Variants in AK9 observed in about 807,000 individuals in gnomAD.
AK9 encodes adenylate kinase 9.
In AK9, 191 loss-of-function variants were observed where a neutral mutation model predicts 239.6. That is an observed-to-expected ratio of 0.80 (90% confidence interval 0.71 to 0.90). The LOEUF is 0.90. AK9 is among the 40% of genes least tolerant of loss of function. AK9 has a pLI of 0.00. For synonymous variants in AK9, 689 were observed against 721.0 expected (o/e 0.96, Z 0.71); for missense variants, 1,995 against 2,214.7 (o/e 0.90, Z 1.99).
intron 17 of AK9, among the ~76,000 whole-genome samples, chr6:109,600,337 A>G (rs147016652): frequency 1.1e-4 from 16 of 152,294 alleles, no homozygotes; most frequent in African/African-American, 3.6e-4. Context: ...TGAGATAATC[A>G]TGTGGTTTTT....
intron 12 of AK9, among the ~76,000 whole-genome samples, chr6:109,624,544 T>G (rs9487172): frequency 0.58 from 88,602 of 152,040 alleles, 27,501 homozygotes; most frequent in East Asian, 0.84. Flanking sequence ...AGAGTTGTGG[T>G]TTGAGAAGTT....
chr6:109,518,935 A>C (rs1441902153), intron 29 of AK9, among the ~76,000 whole-genome samples: 1 of 152,038 alleles, frequency 6.6e-6, no homozygotes, highest in Non-Finnish European at 1.5e-5. Flanking sequence ...CATAGTACTC[A>C]ATAGTTATTT....
At chr6:109,592,571 C>A (rs1448117540) in intron 17 of AK9, among the ~76,000 whole-genome samples, 1 of 151,824 alleles carries the variant, frequency 6.6e-6, no homozygotes, top group African/African-American at 2.4e-5. Context: ...CTCAGCCTCC[C>A]GAGTAGCTGG....
At chr6:109,638,689 A>C (rs1290014077) in intron 10 of AK9, among the ~76,000 whole-genome samples, 1 of 152,120 alleles carries the variant, frequency 6.6e-6, no homozygotes, top group Non-Finnish European at 1.5e-5. Context: ...TCTAGGGTAC[A>C]TGTGCACAAT....
intron 24 of AK9, among the ~76,000 whole-genome samples, chr6:109,554,106 T>C (rs1784675945): frequency 6.6e-6 from 1 of 152,216 alleles, no homozygotes; most frequent in South Asian, 2.1e-4. Context: ...TGTTTGACAG[T>C]ATCTTATTGA....
intron 29 of AK9, among the ~76,000 whole-genome samples, chr6:109,524,919 T>A (rs376936944): frequency 1.3e-5 from 2 of 152,212 alleles, no homozygotes; most frequent in East Asian, 3.8e-4. Flanking sequence ...GTGTTTGTAA[T>A]TCTAGCATAA....
chr6:109,575,651 T>A (rs1787975687), intron 20 of AK9, among the ~76,000 whole-genome samples: 1 of 152,216 alleles, frequency 6.6e-6, no homozygotes, highest in African/African-American at 2.4e-5. Context: ...GCTGATTATT[T>A]CTTTTGCTGT....
chr6:109,678,885 G>A lies in AK9; in HGVS notation c.-11-3129C>T, dbSNP rs529971800. ...GAACTCCCTCCCCTAGCCAAGGGAA[G>A]CCGTGAGGGACTGTGCCATGAGGAA... On this transcript the variant is annotated intron_variant, in intron 1 of 40. Transcript: ENST00000424296. Among the ~76,000 whole-genome samples, 3 of 152,294 alleles carry A rather than the reference G, an allele frequency of 2.0e-5. No individual in the cohort carries two copies. The East Asian group carries it at 5.8e-4, about 29-fold the overall frequency.
intron 1 of AK9, among the ~76,000 whole-genome samples, chr6:109,687,236 G>A (rs147191128): frequency 6.6e-6 from 1 of 152,254 alleles, no homozygotes; most frequent in African/African-American, 2.4e-5. Context: ...CAAGGGCCTA[G>A]AAGGTACAAG....
At chr6:109,504,679 C>G (rs1415635050) in intron 35 of AK9, among the ~76,000 whole-genome samples, 1 of 151,936 alleles carries the variant, frequency 6.6e-6, no homozygotes, top group African/African-American at 2.4e-5. Flanking sequence ...CATGGTGGCG[C>G]ACACCTGTAG....
Position 109,644,677 on chromosome 6 carries a change from A to G in AK9, c.771T>C (p.Ala257=). 2.5e-6 allele frequency: 4 copies of G among 1,611,842 alleles called. No individual in the cohort carries two copies. Among genetic ancestry groups the G allele is most frequent in the Non-Finnish European group, 3.4e-6 (4 of 1,179,572 alleles). The part of the protein sequence containing the change: ...TILQTLEEVM[A]EHNPQYLIEL... Reference sequence around the variant, plus strand: ...CAATGAGATACTGGGGATTGTGTTCAGCCATTACTTCCTGCAGATAATAGA... The same window carrying G: ...CAATGAGATACTGGGGATTGTGTTCGGCCATTACTTCCTGCAGATAATAGA... Residue 257 remains alanine (A), a synonymous_variant, in exon 9 of 41, where the codon GCT becomes GCC. Transcript: ENST00000424296.
chr6:109,526,975 A>G (rs978202323), intron 29 of AK9, among the ~76,000 whole-genome samples: 14 of 152,102 alleles, frequency 9.2e-5, no homozygotes, highest in Admixed American at 9.2e-4. Flanking sequence ...GTACCTATGA[A>G]CAATGTGTCT....
intron 27 of AK9, among the ~76,000 whole-genome samples, chr6:109,538,000 T>C (rs1782272239): frequency 1.3e-5 from 2 of 152,350 alleles, no homozygotes; most frequent in Non-Finnish European, 2.9e-5. Flanking sequence ...TCTTTTACAT[T>C]TGCTGAGGAG....
intron 5 of AK9, among the ~76,000 whole-genome samples, chr6:109,667,025 C>CGA (rs747006803): frequency 3.5e-4 from 53 of 152,194 alleles, no homozygotes; most frequent in Non-Finnish European, 5.6e-4. Context: ...TTGACTCTAT[C>CGA]TGTTTCTCTT....
intron 24 of AK9, among the ~76,000 whole-genome samples, chr6:109,556,911 C>T (rs1412188303): frequency 6.6e-6 from 1 of 151,796 alleles, no homozygotes; most frequent in Admixed American, 6.6e-5. Context: ...TTGCTCTAAC[C>T]TTTTATCAAG....
In AK9 at chr6:109,554,677, G is replaced by A. The variant is rs555669898; in HGVS notation, c.2752-4375C>T. ...CTCTCGAGTAGCTGGGATTACAGACGTGCACCACCATGCCCAGATAATTTT... is the reference window on the plus strand; with the variant it reads ...CTCTCGAGTAGCTGGGATTACAGACATGCACCACCATGCCCAGATAATTTT... On this transcript the variant is annotated intron_variant, in intron 24 of 40. Coordinates refer to ENST00000424296, the MANE Select transcript of AK9 (RefSeq NM_001145128.3). 4.6e-5 allele frequency among the ~76,000 whole-genome samples: 7 copies of A among 151,818 alleles called. No homozygotes were observed. In the South Asian group the frequency reaches 6.2e-4, roughly 14 times the overall value.
chr6:109,672,247 C>T, intron 3 of AK9, 80 bp from the exon 4 acceptor site: 1 of 1,203,368 alleles, frequency 8.3e-7, no homozygotes, highest in Non-Finnish European at 1.2e-6. Flanking sequence ...TGTCTTGTAA[C>T]TGGTAACAAA....
At chr6:109,563,935 T>C in intron 23 of AK9, 145 bp downstream of exon 23, 2 of 1,026,476 alleles carry the variant, frequency 1.9e-6, no homozygotes, top group Non-Finnish European at 1.4e-6. Flanking sequence ...ACCTGCACAG[T>C]GATAGTTGCT....
intron 28 of AK9, among the ~76,000 whole-genome samples, chr6:109,529,777 T>A (rs772535929): frequency 6.6e-6 from 1 of 152,076 alleles, no homozygotes; most frequent in Non-Finnish European, 1.5e-5. Context: ...CGGTTTGTGC[T>A]CCTATAAGAA....
Sources: allele counts gnomAD v4.1 joint callset (sites outside exome capture counted in the v4.1 genomes callset), GRCh38; gene constraint gnomAD v4.1.1; transcripts MANE v1.5; gene names NCBI Gene and HGNC (gene_info 2026-07-23, HGNC 2026-07-21).